ANO6: variants seen among roughly 807,000 people sequenced by gnomAD.
ANO6 encodes anoctamin 6, also known as anoctamin-6.
ANO6 carries 106 observed loss-of-function variants against 117.5 expected under a neutral mutation model. The observed-to-expected ratio is 0.90, with a 90% CI of 0.77 to 1.06. ANO6 has a LOEUF of 1.06. ANO6 is among the 50% of genes least tolerant of loss of function. The probability of loss-of-function intolerance (pLI) is 0.00; values close to 1 mark genes in which losing one functional copy is unlikely to be tolerated. For synonymous variants in ANO6, 367 were observed against 385.1 expected, an observed-to-expected ratio of 0.95 and a Z score of 0.55; for missense variants, 955 against 1,121.1, an observed-to-expected ratio of 0.85 and a Z score of 2.12.
chr12:45,310,119 A>G (rs961598700), intron 2 of ANO6, among the ~76,000 whole-genome samples: 2 of 152,136 alleles, frequency 1.3e-5, no homozygotes, highest in African/African-American at 4.8e-5. Context: ...GGCTGAGTCA[A>G]AAGCTAAATT....
intron 2 of ANO6, 126 bp downstream of exon 2, chr12:45,302,219 A>G (rs1422596215): frequency 2.3e-6 from 2 of 851,916 alleles, no homozygotes; most frequent in Middle Eastern, 2.3e-4. Context: ...ATCTTATTGC[A>G]GGGACTGTGC....
chr12:45,342,976 T>C (rs1257170782), intron 3 of ANO6, among the ~76,000 whole-genome samples: 3 of 152,062 alleles, frequency 2.0e-5, no homozygotes, highest in African/African-American at 7.2e-5. Context: ...GCCCAACTAC[T>C]GATAGGTAGA....
At position 45,409,357 on chromosome 12, in the gene ANO6, C is replaced by T; in HGVS notation, c.1881C>T (p.Pro627=). 6.2e-7 allele frequency: 1 copy of T among 1,613,790 alleles called. No homozygotes were observed. The highest frequency in any genetic ancestry group is 8.5e-7 in the Non-Finnish European group (1 of 1,179,844). ...ATTTATAAATTGTTCTTTTTGGCAG[C>T]TGGATCATGAATCTAATTGGGCGAT... The part of the protein sequence containing the change: ...IWNNIQEVLL[P]WIMNLIGRFH... Residue 627 remains proline (P), a splice_region_variant and synonymous_variant, in exon 16 of 20, where the codon CCC becomes CCT. Transcript: ENST00000320560.
chr12:45,436,079 C>T (rs969219916), downstream of ANO6, among the ~76,000 whole-genome samples: 16 of 152,174 alleles, frequency 1.1e-4, no homozygotes, highest in Non-Finnish European at 1.8e-4. Context: ...CTAAACAACA[C>T]CTCTCTAACA....
Position 45,432,160 on chromosome 12 carries a change from T to C in ANO6, c.*2849T>C. The C allele has an allele frequency of 1.0e-6, 1 of 985,374 alleles. No homozygotes were observed. The highest frequency in any genetic ancestry group is 1.2e-6 in the Non-Finnish European group (1 of 829,868). 61.0% of individuals were successfully genotyped at this position (985,374 alleles called of 1,614,324 possible). A position where few individuals can be genotyped will look rare whatever the true frequency, so the allele number is the denominator to read the frequency against. ...TTATGTTTGAGAGGGTAAAAATGTA[T>C]GAGCAGCTTAACTGAAGTAGAACTA... is the stretch of plus-strand genomic sequence containing the variant. On this transcript the variant is annotated 3_prime_UTR_variant, in exon 20 of 20. Transcript: ENST00000320560.
At chr12:45,347,978 T>C in intron 4 of ANO6, 50 bp from the exon 5 acceptor site, 1 of 1,566,192 alleles carries the variant, frequency 6.4e-7, no homozygotes, top group East Asian at 2.2e-5. Context: ...TGTTTTAAAA[T>C]TGTGAAAAGA....
intron 1 of ANO6, among the ~76,000 whole-genome samples, chr12:45,272,207 T>A (rs925829210): frequency 6.6e-6 from 1 of 152,042 alleles, no homozygotes; most frequent in Non-Finnish European, 1.5e-5. Context: ...TTTTCTTTTT[T>A]TTTTGCTGCT....
intron 2 of ANO6, among the ~76,000 whole-genome samples, chr12:45,318,825 G>C (rs1330135790): frequency 2.0e-5 from 3 of 152,134 alleles, no homozygotes; most frequent in African/African-American, 4.8e-5. Flanking sequence ...AGTTCTCCTT[G>C]AGGAGGTCCT....
chr12:45,368,516 C>G (rs1016874623), intron 9 of ANO6, among the ~76,000 whole-genome samples: 10 of 152,168 alleles, frequency 6.6e-5, no homozygotes, highest in African/African-American at 2.2e-4. Context: ...ACATCTAGCT[C>G]TCCTTATACA....
At chr12:45,405,425 C>A (rs749333610) in intron 15 of ANO6, among the ~76,000 whole-genome samples, 2 of 152,166 alleles carry the variant, frequency 1.3e-5, no homozygotes, top group Non-Finnish European at 2.9e-5. Context: ...GTGGTTTATA[C>A]TTTCACTTCA....
chr12:45,336,919 T>C (rs1021700141), intron 3 of ANO6, among the ~76,000 whole-genome samples: 1 of 151,986 alleles, frequency 6.6e-6, no homozygotes, highest in Non-Finnish European at 1.5e-5. Flanking sequence ...GACCTTCCAG[T>C]GAGACAAGAT....
intron 1 of ANO6, among the ~76,000 whole-genome samples, chr12:45,221,182 A>C (rs974050941): frequency 6.6e-6 from 1 of 152,220 alleles, no homozygotes; most frequent in Non-Finnish European, 1.5e-5. Context: ...CTGAACAACT[A>C]CTTGCTTGTC....
intron 15 of ANO6, among the ~76,000 whole-genome samples, chr12:45,408,322 C>T (rs951020005): frequency 6.6e-6 from 1 of 152,144 alleles, no homozygotes; most frequent in Non-Finnish European, 1.5e-5. Context: ...ACAGGTAAAC[C>T]ACAAGCTGGC....
chr12:45,292,386 G>A (rs1430951184), intron 1 of ANO6, among the ~76,000 whole-genome samples: 1 of 152,196 alleles, frequency 6.6e-6, no homozygotes, highest in Non-Finnish European at 1.5e-5. Context: ...TTTGGAAATA[G>A]TGGTGATGGC....
intron 16 of ANO6, among the ~76,000 whole-genome samples, chr12:45,413,536 C>G (rs1943139317): frequency 6.6e-6 from 1 of 152,212 alleles, no homozygotes; most frequent in South Asian, 2.1e-4. Flanking sequence ...GTGAATCAGG[C>G]ATGCCTAGCA....
At chr12:45,332,725 A>C (rs1226277605) in intron 3 of ANO6, among the ~76,000 whole-genome samples, 4 of 152,060 alleles carry the variant, frequency 2.6e-5, no homozygotes, top group Non-Finnish European at 5.9e-5. Context: ...GTTATCAAGA[A>C]ACCCAAGCCT....
At chr12:45,378,017 G>C in intron 9 of ANO6, 36 bp from the exon 10 acceptor site, 1 of 1,552,516 alleles carries the variant, frequency 6.4e-7, no homozygotes, top group African/African-American at 1.4e-5. Flanking sequence ...ATAAGTGGAG[G>C]ATATGACTCA....
intron 12 of ANO6, among the ~76,000 whole-genome samples, chr12:45,392,304 G>A (rs912721636): frequency 5.9e-5 from 9 of 152,306 alleles, no homozygotes; most frequent in Middle Eastern, 3.4e-3. Context: ...GGGGAGGGGC[G>A]TCCACCATTG....
chr12:45,250,666 G>A (rs1355588934), intron 1 of ANO6, among the ~76,000 whole-genome samples: 2 of 149,690 alleles, frequency 1.3e-5, no homozygotes, highest in Middle Eastern at 3.2e-3. Context: ...GCCTCTGAAA[G>A]TACTGGGATT....
Sources: gnomAD v4.1 joint callset for allele counts (sites outside exome capture counted in the v4.1 genomes callset) on GRCh38, gnomAD v4.1.1 for gene constraint, MANE v1.5 for transcripts, NCBI Gene and HGNC (gene_info 2026-07-23, HGNC 2026-07-21) for gene names.